The following EFCAB12 variants were observed in gnomAD, a reference collection of about 807,000 sequenced individuals.
EFCAB12 encodes the protein EF-hand calcium-binding domain-containing protein 12.
A neutral mutation model predicts 53.6 loss-of-function variants in EFCAB12; 43 were observed. The observed-to-expected ratio is 0.80, with a 90% CI of 0.63 to 1.03. The LOEUF (loss-of-function observed/expected upper bound fraction) is 1.03, where lower values mean the gene tolerates loss of function less well. Ranked by LOEUF, EFCAB12 falls within the 50% of genes least tolerant of loss-of-function variation. The probability of loss-of-function intolerance (pLI) is 0.00; values close to 1 mark genes in which losing one functional copy is unlikely to be tolerated. For missense variants in EFCAB12, 646 were observed against 730.6 expected, an observed-to-expected ratio of 0.88 and a Z score of 1.34; for synonymous variants, 269 against 289.2, an observed-to-expected ratio of 0.93 and a Z score of 0.71.
chr3:129,417,530 A>G (rs1410426055), intron 3 of EFCAB12, among the ~76,000 whole-genome samples: 1 of 152,164 alleles, frequency 6.6e-6, no homozygotes, highest in South Asian at 2.1e-4. Flanking sequence ...AACTCTATTT[A>G]AAAAACAGGA....
chr3:129,404,199 A>G, intron 7 of EFCAB12, 51 bp downstream of exon 7: 1 of 1,578,648 alleles, frequency 6.3e-7, no homozygotes, highest in Non-Finnish European at 8.6e-7. Context: ...CTGAAGGGAT[A>G]GCAATGGAGC....
At chr3:129,405,850 C>T (rs1014599687) in intron 6 of EFCAB12, among the ~76,000 whole-genome samples, 5 of 152,198 alleles carry the variant, frequency 3.3e-5, no homozygotes, top group African/African-American at 9.6e-5. Context: ...CCACAGGATG[C>T]TCCTGTGTGC....
rs1477536264 is a variant in EFCAB12 at position 129,404,315 on chromosome 3, CT to C, written c.1337del (p.Lys446ArgfsTer44). Reference protein sequence around the residue: ...RQPGGYYSDWKVFSPNLALLR... With the variant: ...RQPGGYYSDWXVFSPNLALLR... ...GCAGAGCCAGATTCGGAGAAAAGAC[CT>C]TCCAGTCAGAGTAGTAGCCTCCCGG... On this transcript the variant is annotated frameshift_variant, in exon 7 of 9. Coordinates refer to ENST00000505956, the MANE Select transcript of EFCAB12 (RefSeq NM_207307.3). LOFTEE classifies it high-confidence loss of function. 1 of 1,613,736 alleles carries C rather than the reference CT, an allele frequency of 6.2e-7. No homozygotes were observed. Among genetic ancestry groups the C allele is most frequent in the Non-Finnish European group, 8.5e-7 (1 of 1,179,866 alleles).
chr3:129,422,098 TC>T (rs2072196601), intron 1 of EFCAB12, among the ~76,000 whole-genome samples: 1 of 152,120 alleles, frequency 6.6e-6, no homozygotes, highest in Non-Finnish European at 1.5e-5. Context: ...GCCAGTCTGA[TC>T]TTGTGTGATC....
chr3:129,417,774 A>G (rs2072136551), intron 3 of EFCAB12, among the ~76,000 whole-genome samples: 1 of 151,774 alleles, frequency 6.6e-6, no homozygotes. Context: ...TGTGGTCCAT[A>G]GACCAGTACT....
intron 7 of EFCAB12, chr3:129,404,033 G>C (rs930187404): frequency 9.7e-6 from 5 of 516,162 alleles, no homozygotes; most frequent in African/African-American, 7.6e-5. Context: ...AGCTGTGTGG[G>C]AGCTGAGGCC....
intron 1 of EFCAB12, among the ~76,000 whole-genome samples, chr3:129,424,248 G>T (rs4128193): frequency 0.28 from 42,077 of 152,014 alleles, 7,757 homozygotes; most frequent in East Asian, 0.5. Context: ...CAGCAAATAA[G>T]AAAAGTAAAC....
intron 7 of EFCAB12, chr3:129,402,816 C>A: frequency 1.9e-6 from 1 of 514,866 alleles, no homozygotes; most frequent in South Asian, 2.2e-5. Flanking sequence ...GTGACCTGGG[C>A]AAGTCACTTC....
intron 4 of EFCAB12, 94 bp downstream of exon 4, chr3:129,415,151 A>G: frequency 7.1e-7 from 1 of 1,415,484 alleles, no homozygotes; most frequent in Non-Finnish European, 9.3e-7. Context: ...GAACACACTG[A>G]GGAAGTGAGT....
chr3:129,407,410 T>C (rs2071967194), intron 6 of EFCAB12, among the ~76,000 whole-genome samples: 1 of 152,196 alleles, frequency 6.6e-6, no homozygotes, highest in Admixed American at 6.5e-5. Context: ...GGGAAAAAGA[T>C]GGTAATAATC....
In EFCAB12 at chr3:129,428,131, C is replaced by T. The variant is rs1446993989; in HGVS notation, c.49+309G>A. 6.8e-4 allele frequency among the ~76,000 whole-genome samples: 103 copies of T among 152,332 alleles called. 1 individual carries two copies. Among genetic ancestry groups the T allele is most frequent in the Non-Finnish European group, 2.9e-4 (20 of 68,032 alleles). Reference sequence around the variant, plus strand: ...TTTGCCAAGAACTTGGTCCCCAGCACATTACTGCCAAAACCTTGAAGACTG... The same window carrying T: ...TTTGCCAAGAACTTGGTCCCCAGCATATTACTGCCAAAACCTTGAAGACTG... On this transcript the variant is annotated intron_variant, in intron 1 of 8. Transcript: ENST00000505956.
chr3:129,425,105 C>T (rs183169349), intron 1 of EFCAB12, among the ~76,000 whole-genome samples: 3 of 152,018 alleles, frequency 2.0e-5, no homozygotes, highest in African/African-American at 7.3e-5. Context: ...ATAAGGTTGG[C>T]GTCATCTCAA....
intron 6 of EFCAB12, among the ~76,000 whole-genome samples, chr3:129,404,732 C>T (rs954589819): frequency 6.6e-6 from 1 of 152,018 alleles, no homozygotes; most frequent in Non-Finnish European, 1.5e-5. Flanking sequence ...ACAAAGCCCC[C>T]AAGGCCCCGG....
rs1362750275 is a variant in EFCAB12, at chr3:129,404,354, G to A, written c.1299C>T (p.Cys433=). Reference sequence around the variant, plus strand: ...AGTAGCCTCCCGGCTGCCGGATGGGGCACACTTTGTCCATCTGGAAAATGA... The same window carrying A: ...AGTAGCCTCCCGGCTGCCGGATGGGACACACTTTGTCCATCTGGAAAATGA... The part of the protein sequence containing the change: ...DKIIFQMDKV[C]PIRQPGGYYS... The change falls in exon 7 of 9, where the codon TGC becomes TGT. Residue 433 remains cysteine (C), a synonymous_variant. Transcript: ENST00000505956. 3.1e-6 allele frequency: 5 copies of A among 1,613,852 alleles called. No individual in the cohort carries two copies. The highest frequency in any genetic ancestry group is 2.2e-5 in the East Asian group (1 of 44,884).
intron 6 of EFCAB12, among the ~76,000 whole-genome samples, chr3:129,407,775 A>G (rs1296592992): frequency 6.6e-6 from 1 of 152,158 alleles, no homozygotes; most frequent in African/African-American, 2.4e-5. Context: ...TTAGCTGTGC[A>G]TGGTGGTGCG....
In EFCAB12 at chr3:129,408,751, C is replaced by G; in HGVS notation, c.1143G>C (p.Arg381Ser). Reference sequence around the variant, plus strand: ...GCCTGCGGGCCGAGTCAATGAGCTCCCTCATATCCCCGTGGATGGTGGACG... The same window carrying G: ...GCCTGCGGGCCGAGTCAATGAGCTCGCTCATATCCCCGTGGATGGTGGACG... ...CLPSTIHGDM[R>S]ELIDSARRHN... is the part of the protein sequence containing the mutation. Residue 381 changes from arginine (R) to serine (S), a missense_variant, in exon 6 of 9, where the codon AGG (arginine) becomes AGC (serine). By Grantham distance (110) the Arg-to-Ser change is moderately radical. Transcript: ENST00000505956. The G allele has an allele frequency of 1.3e-6, 2 of 1,581,384 alleles. No homozygotes were observed. Among genetic ancestry groups the G allele is most frequent in the Non-Finnish European group, 1.7e-6 (2 of 1,162,216 alleles).
At chr3:129,420,691 T>G (rs999499541) in intron 2 of EFCAB12, among the ~76,000 whole-genome samples, 2 of 152,058 alleles carry the variant, frequency 1.3e-5, no homozygotes, top group Admixed American at 6.5e-5. Context: ...CCTTTTGGGG[T>G]GATTTTAAGG....
Position 129,421,713 on chromosome 3 carries a change from T to C in EFCAB12, c.140A>G (p.Gln47Arg). 1 of 1,613,868 alleles carries C rather than the reference T, an allele frequency of 6.2e-7. No individual in the cohort carries two copies. The highest frequency in any genetic ancestry group is 1.1e-5 in the South Asian group (1 of 91,064). The change falls in exon 2 of 9, where the codon CAG (glutamine) becomes CGG (arginine). Residue 47 changes from glutamine to arginine, a missense_variant. Gln to Arg is a conservative substitution (Grantham distance 43). Transcript: ENST00000505956. ...GGTCTGAGGCAGGCGGAAGTCCTTC[T>C]GCTGGAACTGCTTGAAGCAGTGGGC... ...VIAHCFKQFQQKDFRLPQTRR... is the reference protein window; with the variant it reads ...VIAHCFKQFQRKDFRLPQTRR...
Position 129,421,810 on chromosome 3 carries a change from G to A in EFCAB12, c.50-7C>T, listed in dbSNP as rs752150377. 1.3e-5 allele frequency: 20 copies of A among 1,599,976 alleles called. No individual in the cohort carries two copies. Among genetic ancestry groups the A allele is most frequent in the Non-Finnish European group, 1.6e-5 (19 of 1,171,418 alleles). ...GTCTTAGACGGGCAGAGTCCTTGGG[G>A]TAAGAGAGTTAAAAGATGAGTTTCT... On this transcript the variant is annotated splice_polypyrimidine_tract_variant and splice_region_variant and intron_variant, in intron 1 of 8. Transcript: ENST00000505956.
Sources: allele counts gnomAD v4.1 joint callset (sites outside exome capture counted in the v4.1 genomes callset), GRCh38; gene constraint gnomAD v4.1.1; transcripts MANE v1.5; gene names NCBI Gene and HGNC (gene_info 2026-07-23, HGNC 2026-07-21).